FLT4: variants seen among roughly 807,000 people sequenced by gnomAD.
The protein encoded by FLT4 is fms related receptor tyrosine kinase 4, also known as vascular endothelial growth factor receptor 3.
In FLT4, 30 loss-of-function variants were observed where a neutral mutation model predicts 163.2. The observed-to-expected ratio is 0.18, with a 90% confidence interval of 0.14 to 0.25. The LOEUF is 0.25. FLT4 is among the 10% of genes least tolerant of loss of function. The pLI, the probability that FLT4 is intolerant of heterozygous loss-of-function variation, is 1.00. For missense variants in FLT4, 1,510 were observed against 1,863.8 expected (o/e 0.81, Z 3.50); for synonymous variants, 884 against 789.5 (o/e 1.12, Z -2.01).
chr5:180,611,844 G>A, intron 26 of FLT4: 2 of 366,768 alleles, frequency 5.5e-6, no homozygotes, highest in Non-Finnish European at 1.0e-5. Flanking sequence ...GCCCTTCCAG[G>A]TACATTTATG....
In FLT4 at chr5:180,621,759, C is replaced by T. The variant is rs764502895; in HGVS notation, c.1803G>A (p.Ala601=). Residue 601 remains alanine (A), a synonymous_variant, in exon 13 of 30, where the codon GCG becomes GCA. Transcript: ENST00000261937. ...AGTCGAGCAGAAGCGGGTTCCCGTG[C>T]GCATCGTGCAGCGTGGACAGGTTGA... The part of the protein sequence containing the change: ...YRLNLSTLHD[A]HGNPLLLDCK... The T allele has an allele frequency of 9.3e-6, 15 of 1,613,076 alleles. No homozygotes were observed. In the East Asian group the frequency reaches 2.0e-4, roughly 22 times the overall value.
At position 180,618,623 on chromosome 5, in the gene FLT4, C is replaced by A. The variant is rs1762858650; in HGVS notation, c.3001+147G>T. The A allele has an allele frequency of 4.9e-6, 4 of 809,602 alleles. 1 individual carries two copies. The African/African-American group carries it at 5.1e-5, about 10-fold the overall frequency. The allele number at this position is 809,602 out of a possible 1,614,324, so 50.2% of individuals were successfully genotyped here. A position where few individuals can be genotyped will look rare whatever the true frequency, so the allele number is the denominator to read the frequency against. ...GTAAAACATCTGTGTGAAAATTGTC[C>A]CCGAGGTGTCTTCCCTTCCTAAGGC... On this transcript the variant is annotated intron_variant, in intron 21 of 29. Coordinates refer to ENST00000261937, the MANE Select transcript of FLT4 (RefSeq NM_182925.5).
intron 17 of FLT4, 133 bp from the exon 18 acceptor site, chr5:180,619,902 GGGAAGACAA>G: frequency 2.8e-6 from 2 of 716,312 alleles, no homozygotes; most frequent in Non-Finnish European, 4.8e-6. Flanking sequence ...GAGCCACAGC[GGGAAGACAA>G]GGAGAGGTGG....
At chr5:180,622,141 G>C (rs1425271770) in intron 12 of FLT4, among the ~76,000 whole-genome samples, 1 of 152,054 alleles carries the variant, frequency 6.6e-6, no homozygotes, top group Non-Finnish European at 1.5e-5. Flanking sequence ...CCCATGCTCA[G>C]CCTGAAATAA....
intron 11 of FLT4, 97 bp from the exon 12 acceptor site, chr5:180,622,936 C>CA (rs1763279837): frequency 1.4e-5 from 11 of 784,454 alleles, no homozygotes; most frequent in Middle Eastern, 3.1e-4. Flanking sequence ...CCACCCCCCC[C>CA]AATCATGGGG....
At chr5:180,618,322 C>T (rs559038359) in intron 21 of FLT4, among the ~76,000 whole-genome samples, 1 of 89,804 alleles carries the variant, frequency 1.1e-5, no homozygotes, top group African/African-American at 4.1e-5. Context: ...GGGACACCCA[C>T]GTCCTACTCC....
At chr5:180,627,628 GT>G (rs1763734508) in intron 8 of FLT4, among the ~76,000 whole-genome samples, 1 of 152,240 alleles carries the variant, frequency 6.6e-6, no homozygotes, top group South Asian at 2.1e-4. Flanking sequence ...CACAGGAAGG[GT>G]GGGTGGCTGC....
intron 1 of FLT4, among the ~76,000 whole-genome samples, chr5:180,640,219 G>A (rs545812497): frequency 5.3e-5 from 8 of 152,286 alleles, no homozygotes; most frequent in Admixed American, 2.0e-4. Flanking sequence ...GGGGGCAGCC[G>A]GCCGGCTGCG....
Position 180,603,692 on chromosome 5 carries a change from C to T in FLT4, c.3894-302G>A, listed in dbSNP as rs577974189. On this transcript the variant is annotated intron_variant, in intron 29 of 29. Transcript: ENST00000261937. Reference sequence around the variant, plus strand: ...GACCGAGGCGGGCGGATCACGAGGTCAGGAGATCGAGACCATCCTGGCTAA... The same window carrying T: ...GACCGAGGCGGGCGGATCACGAGGTTAGGAGATCGAGACCATCCTGGCTAA... 4.3e-4 allele frequency among the ~76,000 whole-genome samples: 66 copies of T among 152,286 alleles called. No individual in the cohort carries two copies. The South Asian group carries it at 0.014, about 32-fold the overall frequency.
chr5:180,616,472 C>G lies in FLT4; in HGVS notation c.3114G>C (p.Leu1038=), dbSNP rs772364974. 2 of 1,613,776 alleles carry G rather than the reference C, an allele frequency of 1.2e-6. No individual in the cohort carries two copies. Among genetic ancestry groups the G allele is most frequent in the Non-Finnish European group, 1.7e-6 (2 of 1,180,002 alleles). ...CCGACAGCAGAATGTTCCGAGCAGC[C>G]AGGTCTCTGTGGATGCACTGGGGTG... is the stretch of plus-strand genomic sequence containing the variant. ...LASRKCIHRD[L]AARNILLSES... is the part of the protein sequence containing the mutation. Residue 1038 remains leucine, a synonymous_variant, in exon 23 of 30, where the codon CTG becomes CTC. Transcript: ENST00000261937.
chr5:180,603,947 G>A (rs1761655933), intron 29 of FLT4, among the ~76,000 whole-genome samples: 1 of 151,624 alleles, frequency 6.6e-6, no homozygotes, highest in Non-Finnish European at 1.5e-5. Context: ...GGAGGTTTCA[G>A]TGAGCCAAGA....
chr5:180,636,464 C>T lies in FLT4; in HGVS notation c.59-4686G>A, dbSNP rs939395222. ...TGAGGGTCCTGCTCTTTGGCGGCAC[C>T]GCCCTCTTCCCCATTAAAGCTGTCA... On this transcript the variant is annotated intron_variant, in intron 1 of 29. Coordinates refer to ENST00000261937, the MANE Select transcript of FLT4 (RefSeq NM_182925.5). The surrounding 1 kb of genome is among the most constrained non-coding windows in gnomAD (Gnocchi z 4.3). Among the ~76,000 whole-genome samples, 3 of 152,048 alleles carry T rather than the reference C, an allele frequency of 2.0e-5. No homozygotes were observed. Among genetic ancestry groups the T allele is most frequent in the Admixed American group, 1.3e-4 (2 of 15,270 alleles).
intron 6 of FLT4, 24 bp from the exon 7 acceptor site, chr5:180,629,451 G>T: frequency 1.9e-6 from 3 of 1,608,402 alleles, no homozygotes; most frequent in Non-Finnish European, 1.7e-6. Context: ...GGGAAGCCCC[G>T]CGTCAGCAGG....
Position 180,636,354 on chromosome 5 carries a change from C to A in FLT4, c.59-4576G>T, listed in dbSNP as rs889412781. ...TATGTGAAGCCTGGCTTTCTGGCCA[C>A]GGCACTGGCCCTGGGCGGTTACTGC... On this transcript the variant is annotated intron_variant, in intron 1 of 29. Coordinates refer to ENST00000261937, the MANE Select transcript of FLT4 (RefSeq NM_182925.5). This position sits in a 1 kb window ranked among gnomAD's most constrained non-coding sequence, Gnocchi z 4.3. 6.6e-6 allele frequency among the ~76,000 whole-genome samples: 1 copy of A among 152,134 alleles called. No individual in the cohort carries two copies. Among genetic ancestry groups the A allele is most frequent in the Non-Finnish European group, 1.5e-5 (1 of 68,014 alleles).
At chr5:180,616,833 A>G (rs1762731363) in intron 22 of FLT4, 67 bp downstream of exon 22, 1 of 1,232,244 alleles carries the variant, frequency 8.1e-7, no homozygotes, top group Non-Finnish European at 1.2e-6. Flanking sequence ...GCCAGTACCA[A>G]GCACTTCTTG....
chr5:180,602,567 T>C lies in FLT4; in HGVS notation c.*625A>G, dbSNP rs1337258896. The C allele has an allele frequency of 1.2e-5, 5 of 400,140 alleles. No homozygotes were observed. Among genetic ancestry groups the C allele is most frequent in the Non-Finnish European group, 2.2e-5 (5 of 226,990 alleles). The allele number at this position is 400,140 out of a possible 1,614,324, so 24.8% of individuals were successfully genotyped here. ...CGCAGGTGTGCGGGCTGCCTCTGTGTTGCCAGCGTATAATACTGTCATACT... is the reference window on the plus strand; with the variant it reads ...CGCAGGTGTGCGGGCTGCCTCTGTGCTGCCAGCGTATAATACTGTCATACT... On this transcript the variant is annotated 3_prime_UTR_variant, in exon 30 of 30. Coordinates refer to ENST00000261937, the MANE Select transcript of FLT4 (RefSeq NM_182925.5).
chr5:180,621,677 G>C lies in FLT4; in HGVS notation c.1885C>G (p.Pro629Ala). The C allele has an allele frequency of 1.2e-6, 2 of 1,611,500 alleles. No individual in the cohort carries two copies. The highest frequency in any genetic ancestry group is 1.7e-6 in the Non-Finnish European group (2 of 1,178,986). Residue 629 changes from proline to alanine, a missense_variant, in exon 13 of 30, where the codon CCT (proline) becomes GCT (alanine). Around this residue, in one of 5 missense-constraint regions of FLT4, gnomAD observed 878 missense variants for 1,016.7 expected, o/e 0.86. Transcript: ENST00000261937. The stretch of plus-strand genomic sequence containing the variant: ...CTGAGCGTGGCGTGGCGCGCCCCAG[G>C]TGCCACCTCCTCCAGGCTGGCGGCC... The part of the protein sequence containing the change: ...PLAASLEEVA[P>A]GARHATLSLS...
chr5:180,629,128 T>A, intron 7 of FLT4, 129 bp from the exon 8 acceptor site: 5 of 1,441,134 alleles, frequency 3.5e-6, no homozygotes, highest in Non-Finnish European at 4.9e-6. Context: ...TGCCGCCCGG[T>A]GCAGGAGCTG....
At position 180,620,132 on chromosome 5, in the gene FLT4, G is replaced by C. The variant is rs750488355; in HGVS notation, c.2542+41C>G. ...CACTCCGGCCTGCAGCAGGTGGGTC[G>C]GGCAGGAGGTGTGGGTTGGGCAGGC... On this transcript the variant is annotated intron_variant, in intron 17 of 29. Transcript: ENST00000261937. This position sits in a 1 kb window ranked among gnomAD's most constrained non-coding sequence, Gnocchi z 4.4. 18 of 1,586,014 alleles carry C rather than the reference G, an allele frequency of 1.1e-5. No homozygotes were observed. Among genetic ancestry groups the C allele is most frequent in the African/African-American group, 4.0e-5 (3 of 74,372 alleles).
Sources: allele counts gnomAD v4.1 joint callset (sites outside exome capture counted in the v4.1 genomes callset), GRCh38; gene constraint gnomAD v4.1.1; regional missense constraint gnomAD v4.1.1; non-coding constraint Gnocchi (gnomAD v3.1); transcripts MANE v1.5; gene names NCBI Gene and HGNC (gene_info 2026-07-23, HGNC 2026-07-21).